The following SCN9A variants were observed in gnomAD, a reference collection of about 807,000 sequenced individuals.
The protein encoded by SCN9A is sodium voltage-gated channel alpha subunit 9.
Under a neutral mutation model 187.0 loss-of-function variants are expected in SCN9A, and 131 were observed. The ratio of observed to expected loss-of-function variants is 0.70; its 90% CI spans 0.61 to 0.81. SCN9A has a LOEUF of 0.81. SCN9A is among the 30% of genes least tolerant of loss of function. The probability of loss-of-function intolerance (pLI) is 0.00; values close to 1 mark genes in which losing one functional copy is unlikely to be tolerated. For synonymous variants in SCN9A, 809 were observed against 808.6 expected, an observed-to-expected ratio of 1.00 and a Z score of -0.01; for missense variants, 2,252 against 2,396.6, an observed-to-expected ratio of 0.94 and a Z score of 1.26.
intron 26 of SCN9A, among the ~76,000 whole-genome samples, chr2:166,201,368 C>T (rs549819550): frequency 3.2e-4 from 47 of 146,602 alleles, no homozygotes; most frequent in East Asian, 2.8e-3. Flanking sequence ...ATATAGTATG[C>T]GTATACTCTA....
rs559975872 is a variant in SCN9A, at chr2:166,319,813, G to C, written c.-50-8007C>G. ...TGGAATAGCTTACAAAAATTGAGAG[G>C]TAGAGGGGGATTAGTGGTGAGGGAA... On this transcript the variant is annotated intron_variant, in intron 1 of 26. Coordinates refer to ENST00000642356, the MANE Select transcript of SCN9A (RefSeq NM_001365536.1). Among the ~76,000 whole-genome samples the C allele has an allele frequency of 3.9e-5, 6 of 152,220 alleles. No homozygotes were observed. The South Asian group carries it at 1.2e-3, about 32-fold the overall frequency.
intron 17 of SCN9A, among the ~76,000 whole-genome samples, chr2:166,271,617 G>A (rs544826608): frequency 6.6e-6 from 1 of 152,182 alleles, no homozygotes; most frequent in African/African-American, 2.4e-5. Flanking sequence ...AGCAACTGGG[G>A]AAAAAGTTTG....
chr2:166,375,372 A>G (rs1700663505), intron 1 of SCN9A, among the ~76,000 whole-genome samples: 1 of 152,230 alleles, frequency 6.6e-6, no homozygotes, highest in African/African-American at 2.4e-5. Flanking sequence ...TAGCGTAAAC[A>G]GAAATAAAAG....
At chr2:166,242,691 T>C (rs1246820672) in intron 18 of SCN9A, 35 bp from the exon 19 acceptor site, 1 of 1,490,256 alleles carries the variant, frequency 6.7e-7, no homozygotes, top group African/African-American at 1.4e-5. Flanking sequence ...AATCTTGATA[T>C]TCAGAATAAA....
chr2:166,258,940 A>G (rs1442809941), intron 17 of SCN9A, among the ~76,000 whole-genome samples: 1 of 151,704 alleles, frequency 6.6e-6, no homozygotes, highest in East Asian at 1.9e-4. Context: ...TACATTCTGC[A>G]TTTTACTTTT....
intron 24 of SCN9A, among the ~76,000 whole-genome samples, chr2:166,226,201 C>T (rs1256595024): frequency 1.3e-5 from 2 of 151,958 alleles, no homozygotes; most frequent in African/African-American, 4.8e-5. Context: ...ATATATTACA[C>T]AAAATAAAAT....
At chr2:166,326,263 G>A (rs1169274156) in intron 1 of SCN9A, among the ~76,000 whole-genome samples, 1 of 152,184 alleles carries the variant, frequency 6.6e-6, no homozygotes. Flanking sequence ...TAGCTCTACA[G>A]TTTAGATAAG....
rs1697502675 is a variant in SCN9A, at chr2:166,281,802, T to C, written c.1981A>G (p.Thr661Ala). The change falls in exon 13 of 27, where the codon ACC (threonine) becomes GCC (alanine). Residue 661 changes from threonine (T) to alanine (A), a missense_variant. Thr to Ala is a moderately conservative substitution (Grantham distance 58, BLOSUM62 0). Transcript: ENST00000642356. ...CGCCTTTTCTTGTGTATTTGATTGG[T>C]CGTGCCCTAAAAAAAAAATCAATTA... Reference protein sequence around the residue: ...DKATSDDSGTTNQIHKKRRCS... With the variant: ...DKATSDDSGTANQIHKKRRCS... 3 of 1,602,800 alleles carry C rather than the reference T, an allele frequency of 1.9e-6. No individual in the cohort carries two copies. The highest frequency in any genetic ancestry group is 1.4e-5 in the African/African-American group (1 of 73,906).
intron 17 of SCN9A, among the ~76,000 whole-genome samples, chr2:166,265,657 G>A (rs1250720595): frequency 1.3e-5 from 2 of 151,810 alleles, no homozygotes; most frequent in African/African-American, 4.8e-5. Context: ...TTCCATAATG[G>A]TGGTACTAAT....
rs1038921265 is a variant in SCN9A at position 166,198,647 on chromosome 2, T to C, written c.*25A>G. The C allele has an allele frequency of 1.3e-6, 2 of 1,503,940 alleles. No individual in the cohort carries two copies. Among genetic ancestry groups the C allele is most frequent in the Non-Finnish European group, 1.8e-6 (2 of 1,106,684 alleles). 93.2% of individuals were successfully genotyped at this position (1,503,940 alleles called of 1,614,324 possible). On this transcript the variant is annotated 3_prime_UTR_variant, in exon 27 of 27. Coordinates refer to ENST00000642356, the MANE Select transcript of SCN9A (RefSeq NM_001365536.1). ...ACAAATAAATCACTTTCACAGGCTGTAAACAATATATCAAAAATGAAGCTC... is the reference window on the plus strand; with the variant it reads ...ACAAATAAATCACTTTCACAGGCTGCAAACAATATATCAAAAATGAAGCTC...
chr2:166,370,232 A>ATCATC (rs1553507732), intron 1 of SCN9A, among the ~76,000 whole-genome samples: 1,449 of 137,184 alleles, frequency 0.011, 16 homozygotes, highest in East Asian at 0.019. Context: ...TAATAATAAT[A>ATCATC]ATAATCATCA....
At chr2:166,202,125 G>A (rs1456757299) in intron 26 of SCN9A, among the ~76,000 whole-genome samples, 2 of 149,624 alleles carry the variant, frequency 1.3e-5, no homozygotes, top group South Asian at 4.2e-4. Context: ...CCTATTTTTT[G>A]TCTTTCAACC....
chr2:166,354,304 G>A (rs969382296), intron 1 of SCN9A, among the ~76,000 whole-genome samples: 9 of 151,766 alleles, frequency 5.9e-5, no homozygotes, highest in Admixed American at 1.3e-4. Flanking sequence ...TAGTGACATC[G>A]AAATACAATT....
At chr2:166,312,638 A>T (rs531600512) in intron 1 of SCN9A, among the ~76,000 whole-genome samples, 2 of 152,284 alleles carry the variant, frequency 1.3e-5, no homozygotes, top group East Asian at 1.9e-4. Context: ...CTATAGTCTT[A>T]TAAAATGTAT....
intron 1 of SCN9A, among the ~76,000 whole-genome samples, chr2:166,330,046 A>G (rs1426054233): frequency 6.6e-6 from 1 of 152,166 alleles, no homozygotes; most frequent in Non-Finnish European, 1.5e-5. Context: ...CTATTCCTGT[A>G]CTTGTCTAGT....
At chr2:166,286,186 C>A in intron 11 of SCN9A, 150 bp downstream of exon 11, 1 of 703,378 alleles carries the variant, frequency 1.4e-6, no homozygotes, top group Non-Finnish European at 2.3e-6. Flanking sequence ...GTACATCTTT[C>A]CATAAATGCC....
chr2:166,255,031 G>T (rs1696205057), intron 17 of SCN9A, among the ~76,000 whole-genome samples: 1 of 150,956 alleles, frequency 6.6e-6, no homozygotes, highest in Non-Finnish European at 1.5e-5. Flanking sequence ...ATGTATAATA[G>T]TATTTACAGT....
chr2:166,280,623 G>GTTC, intron 13 of SCN9A, 28 bp from the exon 14 acceptor site: 1 of 1,344,384 alleles, frequency 7.4e-7, no homozygotes, highest in Non-Finnish European at 1.0e-6. Context: ...AGAACATGGA[G>GTTC]TCAGCCATTT....
Position 166,311,734 on chromosome 2 carries a change from C to G in SCN9A, c.23G>C (p.Gly8Ala), listed in dbSNP as rs747772882. ...TGTGAAATGGACAAAGCTCTGAGGT[C>G]CTGGGGGAGGCAACATTGCCATCTT... MAMLPPP[G>A]PQSFVHFTKQ... is the part of the protein sequence containing the mutation. The change falls in exon 2 of 27, where the codon GGA (glycine) becomes GCA (alanine). Residue 8 changes from glycine to alanine, a missense_variant. This residue lies in a region of SCN9A where 1,013 missense variants were observed against 997.4 expected (regional missense o/e 1.02). Coordinates refer to ENST00000642356, the MANE Select transcript of SCN9A (RefSeq NM_001365536.1). 27 of 1,603,714 alleles carry G rather than the reference C, an allele frequency of 1.7e-5. No homozygotes were observed. Among genetic ancestry groups the G allele is most frequent in the Admixed American group, 6.7e-5 (4 of 59,572 alleles).
Sources: gnomAD v4.1 joint callset for allele counts (sites outside exome capture counted in the v4.1 genomes callset) on GRCh38, gnomAD v4.1.1 for gene constraint, gnomAD v4.1.1 regional missense constraint, MANE v1.5 for transcripts, NCBI Gene and HGNC (gene_info 2026-07-23, HGNC 2026-07-21) for gene names.